GALNT8: variants seen among roughly 807,000 people sequenced by gnomAD.
GALNT8 encodes probable polypeptide N-acetylgalactosaminyltransferase 8.
Under a neutral mutation model 62.7 loss-of-function variants are expected in GALNT8, and 66 were observed. The observed-to-expected ratio is 1.05, with a 90% CI of 0.86 to 1.29. The LOEUF is 1.29. GALNT8 is among the 50% of genes most tolerant of loss of function. The pLI is 0.00. For missense variants in GALNT8, 771 were observed against 791.8 expected, an observed-to-expected ratio of 0.97 and a Z score of 0.32; for synonymous variants, 288 against 294.3, an observed-to-expected ratio of 0.98 and a Z score of 0.22.
Position 4,765,325 on chromosome 12 carries a change from C to T in GALNT8, c.1594-54C>T. The T allele has an allele frequency of 5.5e-6, 8 of 1,441,866 alleles. No individual in the cohort carries two copies. In the South Asian group the frequency reaches 1.0e-4, roughly 19 times the overall value. The allele number at this position is 1,441,866 out of a possible 1,614,324, so 89.3% of individuals were successfully genotyped here. A position where few individuals can be genotyped will look rare whatever the true frequency, so the allele number is the denominator to read the frequency against. On this transcript the variant is annotated intron_variant, in intron 9 of 10. Transcript: ENST00000252318. ...CCCTCGGGCTAGGGTCTCCTGCTGG[C>T]TGACAATGCCTATGGTGAGCCCTCT...
At position 4,739,310 on chromosome 12, in the gene GALNT8, G is replaced by A; in HGVS notation, c.657G>A (p.Val219=). Residue 219 remains valine (V), a synonymous_variant, in exon 3 of 11, where the codon GTG becomes GTA. Coordinates refer to ENST00000252318, the MANE Select transcript of GALNT8 (RefSeq NM_017417.2). ...PSRLLKEIIL[V]DDFSSNGELK... is the part of the protein sequence containing the mutation. ...GATTGTTGAAGGAAATCATCTTGGTGGATGATTTCAGCTCAAATGGTGAGC... is the reference window on the plus strand; with the variant it reads ...GATTGTTGAAGGAAATCATCTTGGTAGATGATTTCAGCTCAAATGGTGAGC... The A allele has an allele frequency of 1.2e-6, 2 of 1,612,496 alleles. No homozygotes were observed. The highest frequency in any genetic ancestry group is 1.1e-5 in the South Asian group (1 of 90,790).
chr12:4,764,014 C>G lies in GALNT8; in HGVS notation c.1560C>G (p.Pro520=). The G allele has an allele frequency of 6.3e-7, 1 of 1,594,286 alleles. No individual in the cohort carries two copies. The highest frequency in any genetic ancestry group is 8.6e-7 in the Non-Finnish European group (1 of 1,161,674). ...LDQGPVPGNT[P]IMYYCHEFSS... The stretch of plus-strand genomic sequence containing the variant: ...AGGGACCCGTTCCAGGCAACACCCC[C>G]ATCATGTATTACTGCCATGAATTCA... The change falls in exon 9 of 11, where the codon CCC becomes CCG. Residue 520 remains proline (P), a synonymous_variant. Transcript: ENST00000252318.
At chr12:4,727,573 G>T (rs1946202093) in intron 2 of GALNT8, among the ~76,000 whole-genome samples, 1 of 152,138 alleles carries the variant, frequency 6.6e-6, no homozygotes, top group Non-Finnish European at 1.5e-5. Context: ...CTATGGATTT[G>T]TCTGTTCCGG....
At chr12:4,724,148 CAAAAAAA>C (rs11456593) in intron 1 of GALNT8, among the ~76,000 whole-genome samples, 7 of 48,092 alleles carry the variant, frequency 1.5e-4, no homozygotes, top group East Asian at 9.7e-4. Flanking sequence ...GACTCCGTCT[CAAAAAAA>C]AAAAAAAAAA....
At chr12:4,755,067 TG>T (rs1946338660) in intron 6 of GALNT8, among the ~76,000 whole-genome samples, 1 of 152,220 alleles carries the variant, frequency 6.6e-6, no homozygotes. Flanking sequence ...GGGTTAGGGA[TG>T]GGTCATGCCA....
At chr12:4,730,172 A>G (rs1007847286) in intron 2 of GALNT8, among the ~76,000 whole-genome samples, 6 of 151,884 alleles carry the variant, frequency 4.0e-5, no homozygotes, top group African/African-American at 1.5e-4. Context: ...TTGTCTCTTC[A>G]TTCTTTTGAT....
At chr12:4,753,096 T>G (rs939832290) in intron 6 of GALNT8, among the ~76,000 whole-genome samples, 20 of 152,216 alleles carry the variant, frequency 1.3e-4, no homozygotes, top group African/African-American at 4.6e-4. Flanking sequence ...GCATCCTTTC[T>G]TTATCCTTGA....
At chr12:4,739,012 G>A (rs1485792957) in intron 2 of GALNT8, 151 bp from the exon 3 acceptor site, 12 of 483,778 alleles carry the variant, frequency 2.5e-5, no homozygotes, top group Non-Finnish European at 4.0e-5. Flanking sequence ...TCTTGCTACT[G>A]TGATAAGCCA....
At position 4,720,600 on chromosome 12, in the gene GALNT8, A is replaced by G; in HGVS notation, c.-78A>G. 3.2e-6 allele frequency: 3 copies of G among 944,898 alleles called. No individual in the cohort carries two copies. In the South Asian group the frequency reaches 3.9e-5, roughly 12 times the overall value. 58.5% of individuals were successfully genotyped at this position (944,898 alleles called of 1,614,324 possible). The stretch of plus-strand genomic sequence containing the variant: ...TAGAACTCTCTTTCCCACAAAAGCT[A>G]GGCTGGTTCTGATTCTTAACCTGCT... On this transcript the variant is annotated 5_prime_UTR_variant, in exon 1 of 11. Coordinates refer to ENST00000252318, the MANE Select transcript of GALNT8 (RefSeq NM_017417.2).
rs779787474 is a variant in GALNT8 at position 4,744,735 on chromosome 12, G to A, written c.860+35G>A. 13 of 1,454,340 alleles carry A rather than the reference G, an allele frequency of 8.9e-6. No homozygotes were observed. The African/African-American group carries it at 1.5e-4, about 17-fold the overall frequency. 90.1% of individuals were successfully genotyped at this position (1,454,340 alleles called of 1,614,324 possible). ...AAAGAGGCTAGTTCTTCTGGAAAGG[G>A]CAGAGAGGAGATATTGTGCATGTAC... On this transcript the variant is annotated intron_variant, in intron 4 of 10. Transcript: ENST00000252318.
chr12:4,753,603 T>C (rs1417957549), intron 6 of GALNT8, among the ~76,000 whole-genome samples: 1 of 152,186 alleles, frequency 6.6e-6, no homozygotes, highest in Non-Finnish European at 1.5e-5. Context: ...TTTCTTTGAG[T>C]TTCCTCAAAA....
In GALNT8 at chr12:4,761,142, A is replaced by C; in HGVS notation, c.1358A>C (p.Gln453Pro). 1 of 1,612,718 alleles carries C rather than the reference A, an allele frequency of 6.2e-7. No homozygotes were observed. Among genetic ancestry groups the C allele is most frequent in the Non-Finnish European group, 8.5e-7 (1 of 1,178,826 alleles). The change falls in exon 7 of 11, where the codon CAG (glutamine) becomes CCG (proline). Residue 453 changes from glutamine to proline, a missense_variant and splice_region_variant. Transcript: ENST00000252318. Reference sequence around the variant, plus strand: ...TACTTGGCCTGGAACATACCTCTCCAGGTGAGTCATGGAATTGAACAGCAG... The same window carrying C: ...TACTTGGCCTGGAACATACCTCTCCCGGTGAGTCATGGAATTGAACAGCAG... ...MVYLAWNIPL[Q>P]NSGIDFGDVS...
intron 3 of GALNT8, among the ~76,000 whole-genome samples, chr12:4,741,266 T>C (rs1254661062): frequency 6.6e-6 from 1 of 152,140 alleles, no homozygotes; most frequent in African/African-American, 2.4e-5. Flanking sequence ...TTTTTTTATT[T>C]CCAATGTAAC....
At chr12:4,758,635 TGTGAGAGAGAGAGA>T (rs1201999137) in intron 6 of GALNT8, among the ~76,000 whole-genome samples, 13 of 47,336 alleles carry the variant, frequency 2.7e-4, no homozygotes, top group South Asian at 1.2e-3. Context: ...TGTGTGTGTG[TGTGAGAGAGAGAGA>T]GAGAGAGAGA....
In GALNT8 at chr12:4,726,909, C is replaced by T. The variant is rs111840917; in HGVS notation, c.509+80C>T. The T allele has an allele frequency of 4.0e-4, 495 of 1,232,336 alleles. 2 individuals carry two copies. In the African/African-American group the frequency reaches 4.6e-3, roughly 11 times the overall value. 76.3% of individuals were successfully genotyped at this position (1,232,336 alleles called of 1,614,324 possible). ...CTTTGGGAGCAGTGAACATTGAAGG[C>T]TGGGGGAGTGGGGGATTGTTGGGGA... On this transcript the variant is annotated intron_variant, in intron 2 of 10. Coordinates refer to ENST00000252318, the MANE Select transcript of GALNT8 (RefSeq NM_017417.2). This position sits in a 1 kb window ranked among gnomAD's most constrained non-coding sequence, Gnocchi z 4.1.
In GALNT8 at chr12:4,770,306, GA is replaced by G. The variant is rs1251278189; in HGVS notation, c.1762-2126del. Reference sequence around the variant, plus strand: ...AACAGAGCGAGACTGTGTCTCAAAAGAAAAAAAAAAAAACAAAAAACAAACA... The same window carrying G: ...AACAGAGCGAGACTGTGTCTCAAAAGAAAAAAAAAAAACAAAAAACAAACA... On this transcript the variant is annotated intron_variant, in intron 10 of 10. Coordinates refer to ENST00000252318, the MANE Select transcript of GALNT8 (RefSeq NM_017417.2). Among the ~76,000 whole-genome samples the G allele has an allele frequency of 9.7e-3, 972 of 100,042 alleles. 11 individuals carry two copies. Among genetic ancestry groups the G allele is most frequent in the African/African-American group, 0.033 (885 of 26,668 alleles). 65.6% of individuals were successfully genotyped at this position (100,042 alleles called of 152,430 possible). A position where few individuals can be genotyped will look rare whatever the true frequency, so the allele number is the denominator to read the frequency against.
At chr12:4,755,972 C>G (rs914311068) in intron 6 of GALNT8, among the ~76,000 whole-genome samples, 1 of 152,086 alleles carries the variant, frequency 6.6e-6, no homozygotes, top group African/African-American at 2.4e-5. Flanking sequence ...GCTCTTCTTA[C>G]GGTGTGTAAG....
intron 9 of GALNT8, 25 bp from the exon 10 acceptor site, chr12:4,765,354 T>C (rs1457854187): frequency 7.5e-4 from 11 of 14,672 alleles, no homozygotes; most frequent in Non-Finnish European, 8.9e-4. Flanking sequence ...GCCCTCTGCT[T>C]TTTTTTTTTT....
intron 2 of GALNT8, among the ~76,000 whole-genome samples, chr12:4,737,186 C>G (rs1439733102): frequency 6.6e-6 from 1 of 152,202 alleles, no homozygotes; most frequent in Non-Finnish European, 1.5e-5. Flanking sequence ...ATAAACTCTT[C>G]TCAGCTCTTT....
Sources: gnomAD v4.1 joint callset for allele counts (sites outside exome capture counted in the v4.1 genomes callset) on GRCh38, gnomAD v4.1.1 for gene constraint, Gnocchi (gnomAD v3.1) non-coding constraint, MANE v1.5 for transcripts, NCBI Gene and HGNC (gene_info 2026-07-23, HGNC 2026-07-21) for gene names.